The following ONECUT3 variants were observed in gnomAD, a reference collection of about 807,000 sequenced individuals.
ONECUT3 encodes one cut domain family member 3.
ONECUT3 carries 11 observed loss-of-function variants against 16.8 expected under a neutral mutation model. The observed-to-expected ratio is 0.66, with a 90% confidence interval of 0.41 to 1.09. The LOEUF is 1.09. ONECUT3 is among the 50% of genes least tolerant of loss of function. The pLI is 0.00. For missense variants in ONECUT3, 637 were observed against 629.9 expected, an observed-to-expected ratio of 1.01 and a Z score of -0.12; for synonymous variants, 344 against 310.7, an observed-to-expected ratio of 1.11 and a Z score of -1.13.
chr19:1,768,761 A>G (rs1325145324), intron 1 of ONECUT3, among the ~76,000 whole-genome samples: 1 of 151,650 alleles, frequency 6.6e-6, no homozygotes, highest in Non-Finnish European at 1.5e-5. Flanking sequence ...AAGAAAACAG[A>G]GGAAGGGGGT....
chr19:1,756,632 C>T (rs1325990980), intron 1 of ONECUT3, among the ~76,000 whole-genome samples: 1 of 151,152 alleles, frequency 6.6e-6, no homozygotes, highest in Non-Finnish European at 1.5e-5. Context: ...CAGGTTCAAG[C>T]GATTCTTCCG....
chr19:1,764,999 A>G lies in ONECUT3; in HGVS notation c.1192+10145A>G, dbSNP rs67649300. Among the ~76,000 whole-genome samples, 25,768 of 152,048 alleles carry G rather than the reference A, an allele frequency of 0.17. 2,359 individuals are homozygous for G. Among genetic ancestry groups the G allele is most frequent in the East Asian group, 0.39 (1,979 of 5,134 alleles). The stretch of plus-strand genomic sequence containing the variant: ...GAGGTGGCTGAGGGAGGGGATCTCC[A>G]GCTCCAGGACACAGGGAGGACGGGC... On this transcript the variant is annotated intron_variant, in intron 1 of 1. Coordinates refer to ENST00000382349, the MANE Select transcript of ONECUT3 (RefSeq NM_001080488.2). This position sits in a 1 kb window ranked among gnomAD's most constrained non-coding sequence, Gnocchi z 5.0.
In ONECUT3 at chr19:1,778,912, A is replaced by ACACACACACACACACC. The variant is rs1491103429; in HGVS notation, c.*3468_*3469insACACACACACACACCC. 7.7e-6 allele frequency: 1 copy of ACACACACACACACACC among 129,534 alleles called. No homozygotes were observed. The highest frequency in any genetic ancestry group is 1.6e-5 in the Non-Finnish European group (1 of 60,828). The allele number at this position is 129,534 out of a possible 1,614,324, so 8.0% of individuals were successfully genotyped here. A position where few individuals can be genotyped will look rare whatever the true frequency, so the allele number is the denominator to read the frequency against. On this transcript the variant is annotated 3_prime_UTR_variant, in exon 2 of 2. Coordinates refer to ENST00000382349, the MANE Select transcript of ONECUT3 (RefSeq NM_001080488.2). ...CACACACACACACACACACACACACACCCCTACCTGTTTCCGGACCCCACC... is the reference window on the plus strand; with the variant it reads ...CACACACACACACACACACACACACACACACACACACACACCCCCCTACCTGTTTCCGGACCCCACC...
Position 1,764,164 on chromosome 19 carries a change from G to T in ONECUT3, c.1192+9310G>T, listed in dbSNP as rs1406785923. Among the ~76,000 whole-genome samples the T allele has an allele frequency of 6.6e-6, 1 of 152,124 alleles. No individual in the cohort carries two copies. The highest frequency in any genetic ancestry group is 1.5e-5 in the Non-Finnish European group (1 of 68,048). ...TTTTTTAAAAATCAACGCCTTGTGCGTGCGTGTGTTTGCCCACTGGCTTTG... is the reference window on the plus strand; with the variant it reads ...TTTTTTAAAAATCAACGCCTTGTGCTTGCGTGTGTTTGCCCACTGGCTTTG... On this transcript the variant is annotated intron_variant, in intron 1 of 1. Transcript: ENST00000382349. The surrounding 1 kb of genome is among the most constrained non-coding windows in gnomAD (Gnocchi z 5.0).
chr19:1,767,457 G>A (rs753387504), intron 1 of ONECUT3, among the ~76,000 whole-genome samples: 56 of 152,088 alleles, frequency 3.7e-4, no homozygotes, highest in Non-Finnish European at 6.2e-4. Context: ...TAGAAAGGCA[G>A]GAAGTGGGAT....
chr19:1,760,655 C>T (rs1010011180), intron 1 of ONECUT3, among the ~76,000 whole-genome samples: 4 of 151,068 alleles, frequency 2.6e-5, no homozygotes, highest in Non-Finnish European at 4.4e-5. Context: ...AGAGGATGGG[C>T]GGTGGGGGGG....
intron 1 of ONECUT3, 27 bp from the exon 2 acceptor site, chr19:1,775,126 G>GGGGGCCCCCC: frequency 8.7e-7 from 1 of 1,143,896 alleles, no homozygotes; most frequent in Non-Finnish European, 1.2e-6. Context: ...TGTCCCGCTC[G>GGGGGCCCCCC]CCCGCCCGCC....
Position 1,753,637 on chromosome 19 carries a change from C to A in ONECUT3, c.-26C>A. The A allele has an allele frequency of 2.0e-6, 2 of 977,450 alleles. No homozygotes were observed. Among genetic ancestry groups the A allele is most frequent in the African/African-American group, 1.8e-5 (1 of 56,826 alleles). 60.5% of individuals were successfully genotyped at this position (977,450 alleles called of 1,614,324 possible). A position where few individuals can be genotyped will look rare whatever the true frequency, so the allele number is the denominator to read the frequency against. On this transcript the variant is annotated 5_prime_UTR_variant, in exon 1 of 2. Transcript: ENST00000382349. ...AGCACTAGGGGCCGGCGCTGAGGAG[C>A]GCGCGCGGCGGGAGGGCAGCCGAGC...
Position 1,762,836 on chromosome 19 carries a change from G to C in ONECUT3, c.1192+7982G>C, listed in dbSNP as rs114258039. Among the ~76,000 whole-genome samples the C allele has an allele frequency of 9.5e-3, 1,440 of 152,154 alleles. 33 individuals carry two copies. The highest frequency in any genetic ancestry group is 0.033 in the African/African-American group (1,386 of 41,502). ...CCAGAACCGCGGCCGTCCTGGGTGC[G>C]CTCAGCTCCAGCGCAGTGGGAGGAC... is the stretch of plus-strand genomic sequence containing the variant. On this transcript the variant is annotated intron_variant, in intron 1 of 1. Transcript: ENST00000382349. The surrounding 1 kb of genome is among the most constrained non-coding windows in gnomAD (Gnocchi z 4.4).
chr19:1,761,985 C>T (rs921095361), intron 1 of ONECUT3, among the ~76,000 whole-genome samples: 15 of 152,162 alleles, frequency 9.9e-5, no homozygotes, highest in African/African-American at 3.6e-4. Context: ...GCTGGAGAGG[C>T]GTGCCCGGGT....
Position 1,775,143 on chromosome 19 carries a change from T to TCGCC in ONECUT3, c.1193-6_1193-3dup. 1 of 732,404 alleles carries TCGCC rather than the reference T, an allele frequency of 1.4e-6. No individual in the cohort carries two copies. The highest frequency in any genetic ancestry group is 2.4e-5 in the African/African-American group (1 of 42,442). The allele number at this position is 732,404 out of a possible 1,614,324, so 45.4% of individuals were successfully genotyped here. A position where few individuals can be genotyped will look rare whatever the true frequency, so the allele number is the denominator to read the frequency against. On this transcript the variant is annotated splice_polypyrimidine_tract_variant and intron_variant, in intron 1 of 1. Transcript: ENST00000382349. ...TCCCGCTCGCCCGCCCGCCCGCCGC[T>TCGCC]CGCCCGCAGCCTGCAAGCGCAAGGA...
In ONECUT3 at chr19:1,754,656, G is replaced by A; in HGVS notation, c.994G>A (p.Ala332Thr). The A allele has an allele frequency of 2.0e-6, 3 of 1,516,586 alleles. No individual in the cohort carries two copies. Among genetic ancestry groups the A allele is most frequent in the Non-Finnish European group, 2.6e-6 (3 of 1,133,174 alleles). The allele number at this position is 1,516,586 out of a possible 1,614,324, so 93.9% of individuals were successfully genotyped here. A position where few individuals can be genotyped will look rare whatever the true frequency, so the allele number is the denominator to read the frequency against. Reference protein sequence around the residue: ...NTKEVAQRITAELKRYSIPQA... With the variant: ...NTKEVAQRITTELKRYSIPQA... ...CAAGGAGGTGGCGCAGCGCATCACG[G>A]CGGAGCTGAAGCGCTACAGCATCCC... is the stretch of plus-strand genomic sequence containing the variant. Residue 332 changes from alanine to threonine, a missense_variant, in exon 1 of 2, where the codon GCG (alanine) becomes ACG (threonine). Ala to Thr is a moderately conservative substitution (Grantham distance 58). Coordinates refer to ENST00000382349, the MANE Select transcript of ONECUT3 (RefSeq NM_001080488.2). The surrounding 1 kb of genome is among the most constrained non-coding windows in gnomAD (Gnocchi z 7.4).
chr19:1,768,712 A>G (rs2068017165), intron 1 of ONECUT3, among the ~76,000 whole-genome samples: 1 of 152,146 alleles, frequency 6.6e-6, no homozygotes, highest in South Asian at 2.1e-4. Flanking sequence ...GGGGTTCAGC[A>G]GTGTTGATGA....
chr19:1,767,701 T>C (rs1451090440), intron 1 of ONECUT3, among the ~76,000 whole-genome samples: 1 of 152,120 alleles, frequency 6.6e-6, no homozygotes, highest in Admixed American at 6.5e-5. Context: ...CGCCCAGAGA[T>C]TTCCTGATCC....
intron 1 of ONECUT3, among the ~76,000 whole-genome samples, 182 bp from the exon 2 acceptor site, chr19:1,774,971 C>A (rs1285029188): frequency 6.6e-6 from 1 of 152,176 alleles, no homozygotes; most frequent in African/African-American, 2.4e-5. Context: ...CCCTCCGCCT[C>A]TCCCTGCATT....
At position 1,764,167 on chromosome 19, in the gene ONECUT3, C is replaced by T. The variant is rs2067964602; in HGVS notation, c.1192+9313C>T. On this transcript the variant is annotated intron_variant, in intron 1 of 1. Transcript: ENST00000382349. This position sits in a 1 kb window ranked among gnomAD's most constrained non-coding sequence, Gnocchi z 5.0. ...TTTAAAAATCAACGCCTTGTGCGTGCGTGTGTTTGCCCACTGGCTTTGCTC... is the reference window on the plus strand; with the variant it reads ...TTTAAAAATCAACGCCTTGTGCGTGTGTGTGTTTGCCCACTGGCTTTGCTC... Among the ~76,000 whole-genome samples the T allele has an allele frequency of 6.6e-6, 1 of 152,160 alleles. No individual in the cohort carries two copies. Among genetic ancestry groups the T allele is most frequent in the South Asian group, 2.1e-4 (1 of 4,832 alleles).
At chr19:1,775,126 G>GGGGGCCCCCCCCCCCC in intron 1 of ONECUT3, 27 bp from the exon 2 acceptor site, 1 of 1,143,900 alleles carries the variant, frequency 8.7e-7, no homozygotes, top group Non-Finnish European at 1.2e-6. Context: ...TGTCCCGCTC[G>GGGGGCCCCCCCCCCCC]CCCGCCCGCC....
intron 1 of ONECUT3, among the ~76,000 whole-genome samples, chr19:1,774,857 C>T (rs2068090253): frequency 6.6e-6 from 1 of 151,440 alleles, no homozygotes; most frequent in African/African-American, 2.4e-5. Context: ...CATTCTGTCT[C>T]CACCGCCCTC....
In ONECUT3 at chr19:1,775,794, C is replaced by A. The variant is rs2068102606; in HGVS notation, c.*349C>A. On this transcript the variant is annotated 3_prime_UTR_variant, in exon 2 of 2. Coordinates refer to ENST00000382349, the MANE Select transcript of ONECUT3 (RefSeq NM_001080488.2). ...GGGCTCACTGTGTTGTCCCCTAAAG[C>A]GGGTCAAGAAGCACATACTAGAAAT... 5.0e-6 allele frequency: 1 copy of A among 198,838 alleles called. No homozygotes were observed. The highest frequency in any genetic ancestry group is 1.0e-5 in the Non-Finnish European group (1 of 99,644). 12.3% of individuals were successfully genotyped at this position (198,838 alleles called of 1,614,324 possible). A position where few individuals can be genotyped will look rare whatever the true frequency, so the allele number is the denominator to read the frequency against.
Sources: allele counts gnomAD v4.1 joint callset (sites outside exome capture counted in the v4.1 genomes callset), GRCh38; gene constraint gnomAD v4.1.1; non-coding constraint Gnocchi (gnomAD v3.1); transcripts MANE v1.5; gene names NCBI Gene and HGNC (gene_info 2026-07-23, HGNC 2026-07-21).